PDE6B: variants seen among roughly 807,000 people sequenced by gnomAD.
PDE6B encodes phosphodiesterase 6B.
A neutral mutation model predicts 109.0 loss-of-function variants in PDE6B; 106 were observed. That is an observed-to-expected ratio of 0.97 (90% CI 0.83 to 1.14). The LOEUF is 1.14. Among genes scored for constraint, PDE6B ranks in the 50% most tolerant of loss-of-function variants. PDE6B has a pLI of 0.00. For synonymous variants in PDE6B, 490 were observed against 471.3 expected (o/e 1.04, Z -0.51); for missense variants, 1,193 against 1,155.6 (o/e 1.03, Z -0.47).
Position 632,407 on chromosome 4 carries a change from G to T in PDE6B, c.469-2270G>T, listed in dbSNP as rs115228723. Reference sequence around the variant, plus strand: ...TGGATCCATGTGGTGCCGTCTGAGGGTTATGAGGGTCACATTGTGGGGATC... The same window carrying T: ...TGGATCCATGTGGTGCCGTCTGAGGTTTATGAGGGTCACATTGTGGGGATC... On this transcript the variant is annotated intron_variant, in intron 1 of 21. Transcript: ENST00000496514. 2.9e-3 allele frequency among the ~76,000 whole-genome samples: 429 copies of T among 149,600 alleles called. 3 individuals carry two copies. The highest frequency in any genetic ancestry group is 0.01 in the African/African-American group (412 of 40,608).
In PDE6B at chr4:636,272, G is replaced by A. The variant is rs1428016020; in HGVS notation, c.711+303G>A. Among the ~76,000 whole-genome samples the A allele has an allele frequency of 6.6e-6, 1 of 152,224 alleles. No individual in the cohort carries two copies. Among genetic ancestry groups the A allele is most frequent in the Middle Eastern group, 3.2e-3 (1 of 316 alleles). ...ACCTCCTTGGGAGAAGCCAGTATGAGTGACGAGTGAGCAGGGAGCAGAGGG... is the reference window on the plus strand; with the variant it reads ...ACCTCCTTGGGAGAAGCCAGTATGAATGACGAGTGAGCAGGGAGCAGAGGG... On this transcript the variant is annotated intron_variant, in intron 3 of 21. Coordinates refer to ENST00000496514, the MANE Select transcript of PDE6B (RefSeq NM_000283.4). This position sits in a 1 kb window ranked among gnomAD's most constrained non-coding sequence, Gnocchi z 4.5.
At chr4:664,624 T>C (rs975495807) in intron 17 of PDE6B, among the ~76,000 whole-genome samples, 1 of 152,118 alleles carries the variant, frequency 6.6e-6, no homozygotes, top group Admixed American at 6.6e-5. Context: ...GAGATCAGCC[T>C]GGCCAACATG....
rs1399873122 is a variant in PDE6B, at chr4:668,487, ACTACCCCATGCTATTCCC to A, written c.2503+495_2503+512del. Among the ~76,000 whole-genome samples the A allele has an allele frequency of 1.1e-3, 55 of 52,090 alleles. No individual in the cohort carries two copies. In the South Asian group the frequency reaches 0.023, roughly 22 times the overall value. 34.2% of individuals were successfully genotyped at this position (52,090 alleles called of 152,430 possible). On this transcript the variant is annotated intron_variant, in intron 21 of 21. Transcript: ENST00000496514. ...GCTCCCACTACCCCATGCTGCTCCC[ACTACCCCATGCTATTCCC>A]CTACCCCATGCTAGTACCACTACCC... is the stretch of plus-strand genomic sequence containing the variant.
chr4:665,847 AC>A lies in PDE6B; in HGVS notation c.2268+520del, dbSNP rs1410361975. Among the ~76,000 whole-genome samples the A allele has an allele frequency of 6.6e-6, 1 of 152,010 alleles. No homozygotes were observed. Among genetic ancestry groups the A allele is most frequent in the African/African-American group, 2.4e-5 (1 of 41,382 alleles). ...GCAGGGCTGCCCCAGCCCCACGTGGACCAGGTGGGAGCTGTGGTTTCTCACA... is the reference window on the plus strand; with the variant it reads ...GCAGGGCTGCCCCAGCCCCACGTGGACAGGTGGGAGCTGTGGTTTCTCACA... On this transcript the variant is annotated intron_variant, in intron 19 of 21. Coordinates refer to ENST00000496514, the MANE Select transcript of PDE6B (RefSeq NM_000283.4). The surrounding 1 kb of genome is among the most constrained non-coding windows in gnomAD (Gnocchi z 4.0).
At chr4:654,489 G>A (rs77603145) in intron 5 of PDE6B, 11 of 585,570 alleles carry the variant, frequency 1.9e-5, no homozygotes, top group East Asian at 5.8e-5. Context: ...GTGAGAGTAC[G>A]GGCCCAGCTT....
chr4:654,765 G>T, intron 5 of PDE6B, 59 bp from the exon 6 acceptor site: 1 of 871,238 alleles, frequency 1.1e-6, no homozygotes, highest in Non-Finnish European at 2.0e-6. Flanking sequence ...GTGTGTGTGT[G>T]TGTGAGCCCC....
At chr4:629,401 G>C (rs1052240214) in intron 1 of PDE6B, among the ~76,000 whole-genome samples, 3 of 152,224 alleles carry the variant, frequency 2.0e-5, no homozygotes, top group Non-Finnish European at 4.4e-5. Flanking sequence ...ACCAAGTGGC[G>C]GGGCAGGACT....
At chr4:637,105 A>G (rs984762583) in intron 3 of PDE6B, among the ~76,000 whole-genome samples, 1 of 152,196 alleles carries the variant, frequency 6.6e-6, no homozygotes, top group Non-Finnish European at 1.5e-5. Context: ...TTATAATTCA[A>G]TATGATTTTA....
intron 3 of PDE6B, among the ~76,000 whole-genome samples, chr4:640,265 C>T (rs1269524294): frequency 1.3e-5 from 2 of 152,026 alleles, no homozygotes; most frequent in Admixed American, 6.5e-5. Flanking sequence ...ATTGGCCAGG[C>T]GTGGTGGCTC....
intron 9 of PDE6B, 150 bp downstream of exon 9, chr4:657,173 G>T: frequency 8.9e-7 from 1 of 1,123,700 alleles, no homozygotes; most frequent in Non-Finnish European, 1.3e-6. Flanking sequence ...GACGACAAAG[G>T]GCCCCCCCGG....
At position 644,392 on chromosome 4, in the gene PDE6B, G is replaced by A. The variant is rs570911042; in HGVS notation, c.711+8423G>A. Among the ~76,000 whole-genome samples, 108 of 152,086 alleles carry A rather than the reference G, an allele frequency of 7.1e-4. 3 individuals are homozygous for A. Among genetic ancestry groups the A allele is most frequent in the African/African-American group, 2.3e-3 (97 of 41,394 alleles). ...TTTATTTTCAAAATTTTGTTAAGAT[G>A]TGTTTTATGGCCTAGAATGTGGTTT... On this transcript the variant is annotated intron_variant, in intron 3 of 21. Transcript: ENST00000496514.
chr4:641,820 T>C (rs562885119), intron 3 of PDE6B, among the ~76,000 whole-genome samples: 1 of 152,172 alleles, frequency 6.6e-6, no homozygotes, highest in South Asian at 2.1e-4. Context: ...CTAATTTTTG[T>C]ATTTTTAGTA....
intron 6 of PDE6B, 134 bp from the exon 7 acceptor site, chr4:655,806 C>A: frequency 1.4e-6 from 1 of 736,932 alleles, no homozygotes. Flanking sequence ...ACCAGCCCCT[C>A]TGACCCCTGC....
rs1738396204 is a variant in PDE6B at position 670,487 on chromosome 4, C to G, written c.*380C>G. Reference sequence around the variant, plus strand: ...CGAACTCCTGACCTCAGGTGATCACCCGCCTCAGCTTCCTGAAGTGCTGGG... The same window carrying G: ...CGAACTCCTGACCTCAGGTGATCACGCGCCTCAGCTTCCTGAAGTGCTGGG... On this transcript the variant is annotated 3_prime_UTR_variant, in exon 22 of 22. Coordinates refer to ENST00000496514, the MANE Select transcript of PDE6B (RefSeq NM_000283.4). The G allele has an allele frequency of 3.9e-6, 1 of 254,918 alleles. No individual in the cohort carries two copies. Among genetic ancestry groups the G allele is most frequent in the Admixed American group, 5.2e-5 (1 of 19,240 alleles). The allele number at this position is 254,918 out of a possible 1,614,324, so 15.8% of individuals were successfully genotyped here. A position where few individuals can be genotyped will look rare whatever the true frequency, so the allele number is the denominator to read the frequency against.
chr4:660,499 C>A lies in PDE6B; in HGVS notation c.1500C>A (p.Asp500Glu). Residue 500 changes from aspartate (D) to glutamate (E), a missense_variant, in exon 12 of 22, where the codon GAC (aspartate) becomes GAA (glutamate). Transcript: ENST00000496514. ...AGCTGCCAGGGCCCACCACATTTGA[C>A]ATCTACGAATTCCACTTCTCTGACC... ...KEELPGPTTF[D>E]IYEFHFSDLE... is the part of the protein sequence containing the mutation. 1 of 1,613,940 alleles carries A rather than the reference C, an allele frequency of 6.2e-7. No homozygotes were observed. The highest frequency in any genetic ancestry group is 1.1e-5 in the South Asian group (1 of 91,082).
At chr4:653,767 G>C (rs1268600948) in intron 3 of PDE6B, 85 bp from the exon 4 acceptor site, 1 of 1,465,596 alleles carries the variant, frequency 6.8e-7, no homozygotes, top group Non-Finnish European at 9.5e-7. Context: ...CCTGTGTCAG[G>C]CTTGAGTTAA....
At chr4:653,774 T>A in intron 3 of PDE6B, 78 bp from the exon 4 acceptor site, 1 of 1,522,500 alleles carries the variant, frequency 6.6e-7, no homozygotes, top group Non-Finnish European at 9.1e-7. Flanking sequence ...CAGGCTTGAG[T>A]TAAACCCCTG....
At chr4:651,790 G>A (rs753418416) in intron 3 of PDE6B, 3 of 152,528 alleles carry the variant, frequency 2.0e-5, no homozygotes, top group Non-Finnish European at 4.4e-5. Context: ...TAGGGCGGTC[G>A]CCATCTGCAC....
At position 666,599 on chromosome 4, in the gene PDE6B, C is replaced by T. The variant is rs760351638; in HGVS notation, c.2337C>T (p.Cys779=). 1.9e-6 allele frequency: 3 copies of T among 1,610,580 alleles called. No individual in the cohort carries two copies. Among genetic ancestry groups the T allele is most frequent in the South Asian group, 1.1e-5 (1 of 91,014 alleles). The change falls in exon 20 of 22, where the codon TGC becomes TGT. Residue 779 remains cysteine, a synonymous_variant. Transcript: ENST00000496514. The surrounding 1 kb of genome is among the most constrained non-coding windows in gnomAD (Gnocchi z 5.6). The part of the protein sequence containing the change: ...KLQVGFIDFV[C]TFVYKEFSRF... ...AAGTGGGCTTCATCGACTTCGTGTG[C>T]ACATTCGTGTACAAGGCGAGTGGTT...
Sources: allele counts gnomAD v4.1 joint callset (sites outside exome capture counted in the v4.1 genomes callset), GRCh38; gene constraint gnomAD v4.1.1; non-coding constraint Gnocchi (gnomAD v3.1); transcripts MANE v1.5; gene names NCBI Gene and HGNC (gene_info 2026-07-23, HGNC 2026-07-21).